The following CCDC112 variants were observed in gnomAD, a reference collection of about 807,000 sequenced individuals.
The protein encoded by CCDC112 is coiled-coil domain containing 112, also known as coiled-coil domain-containing protein 112.
A neutral mutation model predicts 66.3 loss-of-function variants in CCDC112; 40 were observed. That is an observed-to-expected ratio of 0.60 (90% CI 0.47 to 0.79). The LOEUF is 0.79. CCDC112 is among the 30% of genes least tolerant of loss of function. The probability of loss-of-function intolerance (pLI) is 0.00; values close to 1 mark genes in which losing one functional copy is unlikely to be tolerated. For synonymous variants in CCDC112, 214 were observed against 197.2 expected (o/e 1.09, Z -0.71); for missense variants, 659 against 603.8 (o/e 1.09, Z -0.96).
intron 1 of CCDC112, among the ~76,000 whole-genome samples, chr5:115,286,344 G>A (rs889189650): frequency 3.9e-5 from 6 of 152,148 alleles, no homozygotes; most frequent in African/African-American, 1.4e-4. Context: ...ATGTTTTCAA[G>A]ATTCATCCGT....
intron 9 of CCDC112, among the ~76,000 whole-genome samples, chr5:115,268,593 T>C (rs1748860297): frequency 6.6e-6 from 1 of 150,386 alleles, no homozygotes; most frequent in South Asian, 2.1e-4. Flanking sequence ...TATCTACTGT[T>C]TATTTTTAAA....
intron 4 of CCDC112, 63 bp from the exon 5 acceptor site, chr5:115,276,132 T>C: frequency 8.6e-7 from 1 of 1,157,084 alleles, no homozygotes; most frequent in Admixed American, 2.2e-5. Context: ...AGTTAAATAT[T>C]AGGAAGAAAA....
Position 115,267,824 on chromosome 5 carries a change from G to GTGT in CCDC112, c.*51_*52insACA. 2 of 1,365,350 alleles carry GTGT rather than the reference G, an allele frequency of 1.5e-6. No homozygotes were observed. The highest frequency in any genetic ancestry group is 2.1e-6 in the Non-Finnish European group (2 of 954,134). 84.6% of individuals were successfully genotyped at this position (1,365,350 alleles called of 1,614,324 possible). ...AATGTGGTTAGTCACTCTCTCCCTG[G>GTGT]TATAACTTAGTATGTTAACATTCTT... On this transcript the variant is annotated 3_prime_UTR_variant, in exon 10 of 10. Coordinates refer to ENST00000379611, the MANE Select transcript of CCDC112 (RefSeq NM_001040440.3).
intron 1 of CCDC112, among the ~76,000 whole-genome samples, chr5:115,291,728 C>T (rs1219821953): frequency 2.0e-5 from 3 of 152,130 alleles, no homozygotes; most frequent in Non-Finnish European, 4.4e-5. Flanking sequence ...TTTTGTTTGC[C>T]TCAGTATGTC....
In CCDC112 at chr5:115,296,612, G is replaced by A; in HGVS notation, c.-69C>T. On this transcript the variant is annotated 5_prime_UTR_variant, in exon 1 of 10. Coordinates refer to ENST00000379611, the MANE Select transcript of CCDC112 (RefSeq NM_001040440.3). ...TGGGGATTCGTGGCAGGCGCACCCT[G>A]GCCTCTGCAGACAGCTCCCTGCGCT... The A allele has an allele frequency of 1.4e-6, 2 of 1,385,158 alleles. No individual in the cohort carries two copies. The highest frequency in any genetic ancestry group is 9.3e-7 in the Non-Finnish European group (1 of 1,072,622). 85.8% of individuals were successfully genotyped at this position (1,385,158 alleles called of 1,614,324 possible). A position where few individuals can be genotyped will look rare whatever the true frequency, so the allele number is the denominator to read the frequency against.
At chr5:115,268,273 T>G (rs954244889) in intron 9 of CCDC112, among the ~76,000 whole-genome samples, 77 of 152,254 alleles carry the variant, frequency 5.1e-4, no homozygotes, top group African/African-American at 1.8e-3. Context: ...GGTACTACTT[T>G]TACTTTATTT....
intron 1 of CCDC112, among the ~76,000 whole-genome samples, chr5:115,289,810 A>C (rs1749846146): frequency 6.6e-6 from 1 of 152,044 alleles, no homozygotes; most frequent in Non-Finnish European, 1.5e-5. Context: ...CAGCCTCCTA[A>C]GTAGCTGGGA....
intron 6 of CCDC112, among the ~76,000 whole-genome samples, chr5:115,271,919 CTTCT>C (rs1473940510): frequency 1.6e-4 from 23 of 146,472 alleles, no homozygotes; most frequent in Non-Finnish European, 2.7e-4. Flanking sequence ...CTCTTTACTG[CTTCT>C]TTTTTTTTTT....
chr5:115,271,217 T>C lies in CCDC112; in HGVS notation c.1328A>G (p.Glu443Gly). Reference sequence around the variant, plus strand: ...TTAGGAAATAGATTTACTCACTCTTTCTTGAAATCTGGAAATTTCATCAGC... The same window carrying C: ...TTAGGAAATAGATTTACTCACTCTTCCTTGAAATCTGGAAATTTCATCAGC... ...NAADEISRFQERDLHKLELKI... is the reference protein window; with the variant it reads ...NAADEISRFQGRDLHKLELKI... Residue 443 changes from glutamate to glycine, a missense_variant, in exon 7 of 10, where the codon GAA (glutamate) becomes GGA (glycine). By Grantham distance (98) the Glu-to-Gly change is moderately conservative. Coordinates refer to ENST00000379611, the MANE Select transcript of CCDC112 (RefSeq NM_001040440.3). 2 of 1,578,174 alleles carry C rather than the reference T, an allele frequency of 1.3e-6. No homozygotes were observed. Among genetic ancestry groups the C allele is most frequent in the Non-Finnish European group, 1.7e-6 (2 of 1,170,200 alleles).
intron 2 of CCDC112, among the ~76,000 whole-genome samples, chr5:115,281,715 T>C (rs1457883330): frequency 6.6e-6 from 1 of 152,166 alleles, no homozygotes; most frequent in Non-Finnish European, 1.5e-5. Context: ...TATTAACCTA[T>C]AAGGATATTC....
chr5:115,282,493 G>C (rs1331131826), intron 2 of CCDC112, among the ~76,000 whole-genome samples: 1 of 152,052 alleles, frequency 6.6e-6, no homozygotes, highest in African/African-American at 2.4e-5. Context: ...TGTGCCTCTA[G>C]AGAGTACTGA....
At chr5:115,283,672 T>C (rs74659855) in intron 2 of CCDC112, among the ~76,000 whole-genome samples, 1,535 of 152,174 alleles carry the variant, frequency 0.01, 26 homozygotes, top group African/African-American at 0.035. Context: ...GAGAATTTAG[T>C]CTCCAAAAGC....
chr5:115,271,103 T>A (rs1748975271), intron 7 of CCDC112, 110 bp downstream of exon 7: 1 of 941,090 alleles, frequency 1.1e-6, no homozygotes, highest in East Asian at 2.5e-5. Flanking sequence ...GGTATACTAA[T>A]GCTATACACA....
intron 8 of CCDC112, 98 bp downstream of exon 8, chr5:115,269,599 TATAGAA>T (rs1748913367): frequency 2.6e-6 from 2 of 760,312 alleles, no homozygotes; most frequent in East Asian, 5.8e-5. Flanking sequence ...AAGTAGATGT[TATAGAA>T]ATAAGGTGAG....
chr5:115,271,105 C>T (rs1438473702), intron 7 of CCDC112, 108 bp downstream of exon 7: 3 of 970,758 alleles, frequency 3.1e-6, no homozygotes, highest in Non-Finnish European at 4.6e-6. Flanking sequence ...TATACTAATG[C>T]TATACACAGG....
chr5:115,289,951 G>A (rs564201081), intron 1 of CCDC112, among the ~76,000 whole-genome samples: 1 of 152,322 alleles, frequency 6.6e-6, no homozygotes, highest in Non-Finnish European at 1.5e-5. Context: ...CCAAAGTGCT[G>A]GGATTACAGG....
At chr5:115,282,079 A>T (rs1749480183) in intron 2 of CCDC112, among the ~76,000 whole-genome samples, 1 of 152,196 alleles carries the variant, frequency 6.6e-6, no homozygotes, top group South Asian at 2.1e-4. Flanking sequence ...TTTGTTATTA[A>T]AAAAAGATTG....
At chr5:115,273,472 C>G (rs1408866271) in intron 6 of CCDC112, among the ~76,000 whole-genome samples, 1 of 152,202 alleles carries the variant, frequency 6.6e-6, no homozygotes, top group Non-Finnish European at 1.5e-5. Context: ...CTCCAACATG[C>G]CCTACTTCAG....
rs1419448935 is a variant in CCDC112 at position 115,296,491 on chromosome 5, C to T, written c.53G>A (p.Gly18Glu). ...VVAAAATAVAGAVAGAGAATG... is the reference protein window; with the variant it reads ...VVAAAATAVAEAVAGAGAATG... ...GGCCGCGCCCGCCCCTGCCACAGCCCCGGCTACCGCGGTGGCCGCAGCCGC... is the reference window on the plus strand; with the variant it reads ...GGCCGCGCCCGCCCCTGCCACAGCCTCGGCTACCGCGGTGGCCGCAGCCGC... The change falls in exon 1 of 10, where the codon GGG becomes GAG. Residue 18 changes from glycine to glutamate, a missense_variant. By Grantham distance (98) the Gly-to-Glu change is moderately conservative. Coordinates refer to ENST00000379611, the MANE Select transcript of CCDC112 (RefSeq NM_001040440.3). The T allele has an allele frequency of 6.4e-7, 1 of 1,560,684 alleles. No homozygotes were observed. The highest frequency in any genetic ancestry group is 8.6e-7 in the Non-Finnish European group (1 of 1,159,924).
Sources: allele counts gnomAD v4.1 joint callset (sites outside exome capture counted in the v4.1 genomes callset), GRCh38; gene constraint gnomAD v4.1.1; transcripts MANE v1.5; gene names NCBI Gene and HGNC (gene_info 2026-07-23, HGNC 2026-07-21).